ZFHX3: variants seen among roughly 807,000 people sequenced by gnomAD.
The protein encoded by ZFHX3 is zinc finger homeobox protein 3.
In ZFHX3, 42 loss-of-function variants were observed where a neutral mutation model predicts 279.1. The observed-to-expected ratio is 0.15, with a 90% CI of 0.12 to 0.19. ZFHX3 has a LOEUF of 0.19. ZFHX3 is among the 10% of genes least tolerant of loss of function. The pLI, the probability that ZFHX3 is intolerant of heterozygous loss-of-function variation, is 1.00. For missense variants in ZFHX3, 4,981 were observed against 4,754.0 expected (o/e 1.05, Z -1.40); for synonymous variants, 2,293 against 1,957.8 (o/e 1.17, Z -4.52).
chr16:73,751,410 TC>T (rs2142270351), intron 1 of ZFHX3, among the ~76,000 whole-genome samples: 1 of 152,316 alleles, frequency 6.6e-6, no homozygotes, highest in East Asian at 1.9e-4. Flanking sequence ...CGTGTCATCA[TC>T]CATTCTAGTT....
At chr16:73,891,212 C>T (rs2030527272) in intron 1 of ZFHX3, among the ~76,000 whole-genome samples, 1 of 152,094 alleles carries the variant, frequency 6.6e-6, no homozygotes, top group South Asian at 2.1e-4. Context: ...CCCAGCCCCA[C>T]AGCATTCCCT....
intron 1 of ZFHX3, among the ~76,000 whole-genome samples, chr16:73,873,159 T>G (rs1483632013): frequency 2.3e-5 from 1 of 44,220 alleles, no homozygotes; most frequent in African/African-American, 1.0e-4. Flanking sequence ...TGGTGGGTGG[T>G]GGGTGGTGGT....
intron 3 of ZFHX3, among the ~76,000 whole-genome samples, chr16:73,439,096 A>T (rs888427212): frequency 7.9e-5 from 12 of 152,204 alleles, no homozygotes; most frequent in African/African-American, 2.9e-4. Flanking sequence ...AACCAAAGCA[A>T]ATTAATAGAA....
intron 2 of ZFHX3, among the ~76,000 whole-genome samples, chr16:73,481,491 T>G (rs1244639084): frequency 6.6e-6 from 1 of 152,130 alleles, no homozygotes; most frequent in Non-Finnish European, 1.5e-5. Context: ...TGGAGTGCAG[T>G]GCTATGATCA....
At chr16:73,573,837 A>C (rs1250085254) in intron 2 of ZFHX3, among the ~76,000 whole-genome samples, 4 of 152,148 alleles carry the variant, frequency 2.6e-5, no homozygotes, top group Non-Finnish European at 5.9e-5. Context: ...AAATGCGTAT[A>C]TGTGTGTGTG....
chr16:73,203,525 A>C (rs1490478699), intron 5 of ZFHX3, among the ~76,000 whole-genome samples: 2 of 152,222 alleles, frequency 1.3e-5, no homozygotes, highest in Non-Finnish European at 2.9e-5. Flanking sequence ...TAGTGGGTGC[A>C]TATTTGTTTC....
At chr16:72,836,821 G>A (rs1431555026) in intron 4 of ZFHX3, among the ~76,000 whole-genome samples, 1 of 152,174 alleles carries the variant, frequency 6.6e-6, no homozygotes, top group Non-Finnish European at 1.5e-5. Flanking sequence ...AGTCCAGGCA[G>A]GAAACCTCGA....
At chr16:73,399,812 G>A (rs1013371867) in intron 3 of ZFHX3, among the ~76,000 whole-genome samples, 2 of 145,978 alleles carry the variant, frequency 1.4e-5, no homozygotes, top group African/African-American at 5.1e-5. Context: ...AAGAGTGTGT[G>A]TGTGGTGTGT....
chr16:73,152,786 T>G (rs1306611759), intron 5 of ZFHX3, among the ~76,000 whole-genome samples: 8 of 49,146 alleles, frequency 1.6e-4, no homozygotes, highest in South Asian at 7.0e-4. Flanking sequence ...AGCCCTGGCC[T>G]GGGCTACCGG....
chr16:73,836,231 G>A (rs1961141649), intron 1 of ZFHX3, among the ~76,000 whole-genome samples: 1 of 152,140 alleles, frequency 6.6e-6, no homozygotes, highest in African/African-American at 2.4e-5. Context: ...AACTGCTGAA[G>A]AACAGTCATC....
At chr16:73,790,778 G>A (rs139713666) in intron 1 of ZFHX3, among the ~76,000 whole-genome samples, 97 of 152,316 alleles carry the variant, frequency 6.4e-4, no homozygotes, top group African/African-American at 1.9e-3. Context: ...TGAGTTTTGT[G>A]CACCAAAGTT....
intron 4 of ZFHX3, among the ~76,000 whole-genome samples, chr16:72,847,857 T>C (rs74775185): frequency 0.035 from 5,316 of 152,086 alleles, 312 homozygotes; most frequent in African/African-American, 0.12. Flanking sequence ...AAGCAAACGT[T>C]AATGTAGGTT....
chr16:72,951,030 A>ACC, intron 2 of ZFHX3, 65 bp from the exon 3 acceptor site: 2 of 1,559,114 alleles, frequency 1.3e-6, no homozygotes, highest in Non-Finnish European at 1.7e-6. Flanking sequence ...CAGCTGAGGC[A>ACC]CCCCCCAGCC....
intron 1 of ZFHX3, among the ~76,000 whole-genome samples, chr16:73,723,622 G>T (rs902975622): frequency 4.6e-5 from 7 of 151,764 alleles, no homozygotes; most frequent in Admixed American, 2.6e-4. Flanking sequence ...ATAGGACTGG[G>T]GAAATATTTA....
intron 8 of ZFHX3, chr16:73,083,379 C>T (rs931845819): frequency 1.3e-5 from 2 of 152,190 alleles, no homozygotes; most frequent in Non-Finnish European, 2.9e-5. Context: ...CTTTTCTCTC[C>T]ATTATGGTTC....
intron 1 of ZFHX3, among the ~76,000 whole-genome samples, chr16:73,009,097 C>A (rs1444571850): frequency 1.3e-5 from 2 of 152,118 alleles, no homozygotes; most frequent in Non-Finnish European, 2.9e-5. Flanking sequence ...TCTTGTAGAT[C>A]TTGCCTGCTA....
At chr16:72,990,942 T>G (rs141380171) in intron 1 of ZFHX3, among the ~76,000 whole-genome samples, 2,093 of 151,206 alleles carry the variant, frequency 0.014, 50 homozygotes, top group African/African-American at 0.048. Context: ...ATCGCGTCAC[T>G]GCACTCCAGC....
chr16:73,430,597 G>A (rs1206715381), intron 3 of ZFHX3, among the ~76,000 whole-genome samples: 1 of 152,156 alleles, frequency 6.6e-6, no homozygotes, highest in Admixed American at 6.5e-5. Flanking sequence ...AACAGGAGTA[G>A]GAACAAGAAG....
At chr16:73,869,535 G>A (rs970288502) in intron 1 of ZFHX3, among the ~76,000 whole-genome samples, 1 of 152,222 alleles carries the variant, frequency 6.6e-6, no homozygotes, top group Non-Finnish European at 1.5e-5. Flanking sequence ...CTGGAGAAAT[G>A]CTTTAGAAAA....
Sources: gnomAD v4.1 joint callset for allele counts (sites outside exome capture counted in the v4.1 genomes callset) on GRCh38, gnomAD v4.1.1 for gene constraint, MANE v1.5 for transcripts, NCBI Gene and HGNC (gene_info 2026-07-23, HGNC 2026-07-21) for gene names.